The following BTRC variants were observed in gnomAD, a reference collection of about 807,000 sequenced individuals.
The protein encoded by BTRC is F-box/WD repeat-containing protein 1A.
Under a neutral mutation model 85.5 loss-of-function variants are expected in BTRC, and 42 were observed. The ratio of observed to expected loss-of-function variants is 0.49; its 90% CI spans 0.38 to 0.64. The LOEUF is 0.64. BTRC is among the 30% of genes least tolerant of loss of function. The pLI is 0.00. For synonymous variants in BTRC, 255 were observed against 263.3 expected, an observed-to-expected ratio of 0.97 and a Z score of 0.30; for missense variants, 594 against 743.5, an observed-to-expected ratio of 0.80 and a Z score of 2.34.
intron 13 of BTRC, among the ~76,000 whole-genome samples, chr10:101,549,439 A>C (rs2062611075): frequency 6.6e-6 from 1 of 151,334 alleles, no homozygotes; most frequent in African/African-American, 2.4e-5. Context: ...TCTAAAAAAA[A>C]TGATGATGAT....
chr10:101,429,216 A>C (rs780332578), intron 1 of BTRC, among the ~76,000 whole-genome samples: 13 of 152,172 alleles, frequency 8.5e-5, no homozygotes, highest in Non-Finnish European at 1.8e-4. Context: ...CTGTAATAGC[A>C]CTCAAGTTGA....
chr10:101,532,344 A>G lies in BTRC; in HGVS notation c.890A>G (p.His297Arg). The change falls in exon 8 of 15, where the codon CAC (histidine) becomes CGC (arginine). Residue 297 changes from histidine (H) to arginine (R), a missense_variant. Physicochemically the swap from His to Arg is conservative, Grantham distance 29. Transcript: ENST00000370187. ...GGAAGACATAGTTTACAGAGAATTC[A>G]CTGCCGAAGTGAAACAAGCAAAGGA... ...RCGRHSLQRI[H>R]CRSETSKGVY... is the part of the protein sequence containing the mutation. 1 of 1,613,808 alleles carries G rather than the reference A, an allele frequency of 6.2e-7. No individual in the cohort carries two copies. The highest frequency in any genetic ancestry group is 8.5e-7 in the Non-Finnish European group (1 of 1,179,914).
At chr10:101,544,259 G>A (rs1026217044) in intron 13 of BTRC, among the ~76,000 whole-genome samples, 6 of 152,016 alleles carry the variant, frequency 3.9e-5, no homozygotes, top group African/African-American at 7.2e-5. Flanking sequence ...TTACCCACAC[G>A]TTTACCTTTT....
At chr10:101,477,177 T>C (rs983937259) in intron 3 of BTRC, among the ~76,000 whole-genome samples, 4 of 152,186 alleles carry the variant, frequency 2.6e-5, no homozygotes, top group African/African-American at 9.6e-5. Context: ...TTTTTTGTAT[T>C]TTTAGTAGAG....
chr10:101,367,905 T>C (rs1564731457), intron 1 of BTRC, among the ~76,000 whole-genome samples: 1 of 152,224 alleles, frequency 6.6e-6, no homozygotes, highest in Non-Finnish European at 1.5e-5. Flanking sequence ...TTATAAATAA[T>C]CTTGTACAGT....
In BTRC at chr10:101,535,346, T is replaced by G. The variant is rs781710514; in HGVS notation, c.1348-8T>G. On this transcript the variant is annotated splice_polypyrimidine_tract_variant and splice_region_variant and intron_variant, in intron 10 of 14. Transcript: ENST00000370187. ...AAATCAACTGCTCAATGCCATTTTC[T>G]TTTTCAGGTATGGAACACAAGTACT... The G allele has an allele frequency of 1.2e-6, 2 of 1,606,394 alleles. No homozygotes were observed. The highest frequency in any genetic ancestry group is 3.4e-5 in the Admixed American group (2 of 59,348).
intron 1 of BTRC, among the ~76,000 whole-genome samples, chr10:101,369,697 A>T (rs1006519014): frequency 6.6e-6 from 1 of 152,210 alleles, no homozygotes; most frequent in African/African-American, 2.4e-5. Flanking sequence ...ACAGGTGCAC[A>T]TTGCACATTT....
chr10:101,366,917 T>TATATATA, intron 1 of BTRC, among the ~76,000 whole-genome samples: 1 of 2,388 alleles, frequency 4.2e-4, no homozygotes, highest in Non-Finnish European at 3.0e-3. Context: ...TTAATATATA[T>TATATATA]TTATATATAT....
intron 4 of BTRC, among the ~76,000 whole-genome samples, chr10:101,512,566 A>C (rs2061970568): frequency 6.6e-6 from 1 of 152,230 alleles, no homozygotes; most frequent in Non-Finnish European, 1.5e-5. Flanking sequence ...CCTATACATA[A>C]TACAGTTAGT....
intron 2 of BTRC, among the ~76,000 whole-genome samples, chr10:101,445,869 G>A (rs1944809914): frequency 6.6e-6 from 1 of 152,118 alleles, no homozygotes; most frequent in African/African-American, 2.4e-5. Context: ...TTAATGACGG[G>A]GAGGGTGTTA....
Position 101,536,625 on chromosome 10 carries a change from A to G in BTRC, c.1549A>G (p.Lys517Glu). Residue 517 changes from lysine (K) to glutamate (E), a missense_variant, in exon 12 of 15, where the codon AAG (lysine) becomes GAG (glutamate). By Grantham distance (56) the Lys-to-Glu change is moderately conservative. Around this residue, in one of 4 missense-constraint regions of BTRC, gnomAD observed 373 missense variants for 503.6 expected, o/e 0.74. Coordinates refer to ENST00000370187, the MANE Select transcript of BTRC (RefSeq NM_033637.4). ...GGTGCGTTGTATTCGATTTGATAAC[A>G]AGAGGATAGTCAGTGGGGCCTATGA... ...ELVRCIRFDNKRIVSGAYDGK... is the reference protein window; with the variant it reads ...ELVRCIRFDNERIVSGAYDGK... The G allele has an allele frequency of 1.2e-6, 2 of 1,613,634 alleles. No individual in the cohort carries two copies. Among genetic ancestry groups the G allele is most frequent in the Non-Finnish European group, 1.7e-6 (2 of 1,179,554 alleles).
At position 101,479,475 on chromosome 10, in the gene BTRC, T is replaced by G; in HGVS notation, c.324+18T>G. On this transcript the variant is annotated intron_variant, in intron 4 of 14. Coordinates refer to ENST00000370187, the MANE Select transcript of BTRC (RefSeq NM_033637.4). ...TGGCCAAAGTAAGTAATATTGCTCA[T>G]CAATGTATATTACACCACACCATAA... The G allele has an allele frequency of 6.3e-7, 1 of 1,577,778 alleles. No homozygotes were observed. Among genetic ancestry groups the G allele is most frequent in the Non-Finnish European group, 8.7e-7 (1 of 1,147,672 alleles).
At chr10:101,483,868 TAAAG>T (rs970521941) in intron 4 of BTRC, among the ~76,000 whole-genome samples, 1 of 152,196 alleles carries the variant, frequency 6.6e-6, no homozygotes, top group African/African-American at 2.4e-5. Context: ...TTTTAATTGG[TAAAG>T]AAAACTCACT....
At chr10:101,420,376 G>A in intron 1 of BTRC, among the ~76,000 whole-genome samples, 1 of 151,794 alleles carries the variant, frequency 6.6e-6, no homozygotes, top group South Asian at 2.1e-4. Flanking sequence ...TTTGGGATCC[G>A]ACAGCTTGCA....
chr10:101,549,625 A>G (rs547541039), intron 13 of BTRC, among the ~76,000 whole-genome samples: 1 of 148,414 alleles, frequency 6.7e-6, no homozygotes, highest in East Asian at 2.1e-4. Context: ...GAGGCAGGAG[A>G]ACGGCGTGAA....
At chr10:101,388,362 T>G (rs1943140083) in intron 1 of BTRC, among the ~76,000 whole-genome samples, 2 of 151,468 alleles carry the variant, frequency 1.3e-5, no homozygotes, top group South Asian at 4.2e-4. Flanking sequence ...TTTATTTTAT[T>G]TATTTATTTT....
At chr10:101,362,578 A>G (rs1942243010) in intron 1 of BTRC, among the ~76,000 whole-genome samples, 3 of 151,722 alleles carry the variant, frequency 2.0e-5, no homozygotes, top group Non-Finnish European at 2.9e-5. Flanking sequence ...TATTTTTAGT[A>G]GAGACGGAGT....
chr10:101,483,862 A>G (rs868597127), intron 4 of BTRC, among the ~76,000 whole-genome samples: 14 of 152,048 alleles, frequency 9.2e-5, no homozygotes, highest in African/African-American at 3.4e-4. Context: ...GATTTTTTTT[A>G]ATTGGTAAAG....
At chr10:101,535,794 A>T (rs1455907512) in intron 11 of BTRC, among the ~76,000 whole-genome samples, 2 of 152,224 alleles carry the variant, frequency 1.3e-5, no homozygotes, top group Non-Finnish European at 2.9e-5. Context: ...TTGTCTTAGC[A>T]TTACATAATT....
Sources: allele counts gnomAD v4.1 joint callset (sites outside exome capture counted in the v4.1 genomes callset), GRCh38; gene constraint gnomAD v4.1.1; regional missense constraint gnomAD v4.1.1; transcripts MANE v1.5; gene names NCBI Gene and HGNC (gene_info 2026-07-23, HGNC 2026-07-21).